The following STARD13 variants were observed in gnomAD, a reference collection of about 807,000 sequenced individuals.
The protein encoded by STARD13 is stAR-related lipid transfer protein 13.
Under a neutral mutation model 106.4 loss-of-function variants are expected in STARD13, and 62 were observed. The observed-to-expected ratio is 0.58, with a 90% CI of 0.48 to 0.72. STARD13 has a LOEUF of 0.72. Among genes scored for constraint, STARD13 ranks in the 30% least tolerant of loss-of-function variants. The pLI is 0.00. For synonymous variants in STARD13, 565 were observed against 553.0 expected (o/e 1.02, Z -0.31); for missense variants, 1,387 against 1,424.0 (o/e 0.97, Z 0.42).
Position 33,186,032 on chromosome 13 carries a change from A to G in STARD13, c.170-18410T>C, listed in dbSNP as rs752501594. On this transcript the variant is annotated intron_variant, in intron 1 of 13. Transcript: ENST00000336934. ...AGGAGGGTTCCAGCATGGAGGTTCA[A>G]AGAAATTCAGAGCAAGGAGCAGATG... 4.3e-6 allele frequency: 7 copies of G among 1,613,996 alleles called. No homozygotes were observed. In the East Asian group the frequency reaches 1.3e-4, roughly 31 times the overall value.
intron 1 of STARD13, among the ~76,000 whole-genome samples, chr13:33,216,395 G>A (rs921592572): frequency 2.0e-5 from 3 of 152,170 alleles, no homozygotes; most frequent in Admixed American, 6.5e-5. Context: ...TAAAACGAAT[G>A]AATTAATGGC....
intron 1 of STARD13, among the ~76,000 whole-genome samples, chr13:33,320,257 A>G (rs1461382226): frequency 6.6e-6 from 1 of 152,216 alleles, no homozygotes; most frequent in Non-Finnish European, 1.5e-5. Flanking sequence ...AGTTGGAACT[A>G]TTGAGTGACT....
At chr13:33,285,238 T>A (rs887468970) in intron 1 of STARD13, among the ~76,000 whole-genome samples, 1 of 152,236 alleles carries the variant, frequency 6.6e-6, no homozygotes, top group Non-Finnish European at 1.5e-5. Flanking sequence ...TATGATTCAC[T>A]GTCCCACCGT....
the STARD13 span, among the ~76,000 whole-genome samples, chr13:33,581,873 A>G: frequency 2.0e-5 from 3 of 152,172 alleles, no homozygotes; most frequent in Admixed American, 6.5e-5. Flanking sequence ...AACATCTACT[A>G]TGTACTAGGC....
chr13:33,277,576 G>C (rs1477362789), intron 1 of STARD13: 1 of 152,124 alleles, frequency 6.6e-6, no homozygotes, highest in Non-Finnish European at 1.5e-5. Context: ...CTTCTGAAGA[G>C]TTTCTTGCTT....
In STARD13 at chr13:33,118,266, GAAAC is replaced by G; in HGVS notation, c.2083-7_2083-4del. 6.2e-7 allele frequency: 1 copy of G among 1,613,804 alleles called. No individual in the cohort carries two copies. Among genetic ancestry groups the G allele is most frequent in the Non-Finnish European group, 8.5e-7 (1 of 1,179,680 alleles). ...CCTGATTTGCGAAAAAGACCCACCT[GAAAC>G]AAAGCCATAGGGATGTGTCAGCCAG... On this transcript the variant is annotated splice_polypyrimidine_tract_variant and splice_region_variant and intron_variant, in intron 7 of 13. Transcript: ENST00000336934.
At chr13:33,165,813 C>T (rs961000591) in intron 2 of STARD13, among the ~76,000 whole-genome samples, 10 of 152,092 alleles carry the variant, frequency 6.6e-5, no homozygotes, top group African/African-American at 2.4e-4. Context: ...GATTTTTTTC[C>T]TTCAAAAAGG....
At chr13:33,562,416 C>G in the STARD13 span, among the ~76,000 whole-genome samples, 1 of 146,816 alleles carries the variant, frequency 6.8e-6, no homozygotes, top group Non-Finnish European at 1.5e-5. Context: ...CTATCTAACA[C>G]TTAAGCTCAG....
chr13:33,496,561 A>C, the STARD13 span, among the ~76,000 whole-genome samples: 1 of 152,034 alleles, frequency 6.6e-6, no homozygotes. Flanking sequence ...AAATTTGTTT[A>C]GGTCAGACAT....
chr13:33,494,594 C>T, the STARD13 span, among the ~76,000 whole-genome samples: 1 of 152,054 alleles, frequency 6.6e-6, no homozygotes, highest in Admixed American at 6.6e-5. Context: ...TGCATTTGGT[C>T]GTTGTCTACT....
the STARD13 span, among the ~76,000 whole-genome samples, chr13:33,630,794 A>G: frequency 6.6e-6 from 1 of 152,178 alleles, no homozygotes; most frequent in Middle Eastern, 3.4e-3. Flanking sequence ...GAGTCCCACC[A>G]TCCTAATCCT....
chr13:33,127,425 G>A lies in STARD13; in HGVS notation c.1870C>T (p.Leu624Phe), dbSNP rs1347020176. The A allele has an allele frequency of 6.2e-7, 1 of 1,605,706 alleles. No individual in the cohort carries two copies. The highest frequency in any genetic ancestry group is 1.7e-5 in the Admixed American group (1 of 59,718). Residue 624 changes from leucine to phenylalanine, a missense_variant, in exon 6 of 14, where the codon CTC becomes TTC. Coordinates refer to ENST00000336934, the MANE Select transcript of STARD13 (RefSeq NM_178006.4). ...SLLQRFSLLR[L>F]TAIMEKHSMS... The stretch of plus-strand genomic sequence containing the variant: ...GAGTGCTTCTCCATGATGGCCGTGA[G>A]GCGGAGCAGTGAGAAGCGCTGGAGC...
At chr13:33,403,171 C>T in the STARD13 span, among the ~76,000 whole-genome samples, 3 of 152,236 alleles carry the variant, frequency 2.0e-5, no homozygotes, top group Admixed American at 6.5e-5. Context: ...TGCCCATCTG[C>T]GTGTTCCCCC....
chr13:33,338,268 T>G (rs568183996), intron 1 of STARD13, among the ~76,000 whole-genome samples: 5 of 152,294 alleles, frequency 3.3e-5, no homozygotes, highest in African/African-American at 1.2e-4. Context: ...GACATTAAGG[T>G]TCTTTTAGAC....
At chr13:33,605,335 A>G in the STARD13 span, among the ~76,000 whole-genome samples, 1 of 151,518 alleles carries the variant, frequency 6.6e-6, no homozygotes, top group East Asian at 1.9e-4. Flanking sequence ...CTCCTGCCTC[A>G]GCCTCCCAAA....
chr13:33,581,618 A>G, the STARD13 span, among the ~76,000 whole-genome samples: 3 of 152,220 alleles, frequency 2.0e-5, no homozygotes, highest in East Asian at 3.8e-4. Context: ...TGTAAATATT[A>G]TAAATACCAG....
chr13:33,285,499 C>G lies in STARD13; in HGVS notation c.140G>C (p.Arg47Pro), dbSNP rs751463355. ...SPYRMSRILA[R>P]HQLVTKIQQE... The stretch of plus-strand genomic sequence containing the variant: ...TTGAATTTTAGTCACTAGCTGATGG[C>G]GTGCTAGAATCCGGCTCATCCTGTA... Residue 47 changes from arginine (R) to proline (P), a missense_variant, in exon 1 of 14, where the codon CGC becomes CCC. By Grantham distance (103) the Arg-to-Pro change is moderately radical. Transcript: ENST00000336934. 1.9e-6 allele frequency: 3 copies of G among 1,613,872 alleles called. No individual in the cohort carries two copies. Among genetic ancestry groups the G allele is most frequent in the Non-Finnish European group, 8.5e-7 (1 of 1,179,842 alleles).
At chr13:33,316,591 G>A (rs145879797) in intron 1 of STARD13, among the ~76,000 whole-genome samples, 1 of 152,268 alleles carries the variant, frequency 6.6e-6, no homozygotes, top group East Asian at 1.9e-4. Context: ...GAAGTGATTT[G>A]CCTGCTGTCA....
chr13:33,400,605 C>T, the STARD13 span, among the ~76,000 whole-genome samples: 25 of 152,106 alleles, frequency 1.6e-4, no homozygotes, highest in Admixed American at 5.9e-4. Flanking sequence ...GGACTACAGG[C>T]GCCCGCCACC....
Sources: gnomAD v4.1 joint callset for allele counts (sites outside exome capture counted in the v4.1 genomes callset) on GRCh38, gnomAD v4.1.1 for gene constraint, MANE v1.5 for transcripts, NCBI Gene and HGNC (gene_info 2026-07-23, HGNC 2026-07-21) for gene names.